Variants in TMEM132D observed in about 807,000 individuals in gnomAD.
TMEM132D encodes the protein mature OL transmembrane protein.
A neutral mutation model predicts 62.3 loss-of-function variants in TMEM132D; 21 were observed. The observed-to-expected ratio is 0.34, with a 90% confidence interval of 0.24 to 0.49. The LOEUF is 0.49. Among genes scored for constraint, TMEM132D ranks in the 20% least tolerant of loss-of-function variants. The pLI, the probability that TMEM132D is intolerant of heterozygous loss-of-function variation, is 0.99. For synonymous variants in TMEM132D, 621 were observed against 575.6 expected (o/e 1.08, Z -1.13); for missense variants, 1,346 against 1,402.8 (o/e 0.96, Z 0.65).
In TMEM132D at chr12:129,560,392, G is replaced by A. The variant is rs150815169; in HGVS notation, c.969-29187C>T. On this transcript the variant is annotated intron_variant, in intron 2 of 8. Transcript: ENST00000422113. ...TCAAGCGCTCCTGCCTCAGCCTCCC[G>A]AGTAGCTGGGATCACAGGTGTGCAC... is the stretch of plus-strand genomic sequence containing the variant. Among the ~76,000 whole-genome samples the A allele has an allele frequency of 1.4e-3, 208 of 151,118 alleles. 1 individual carries two copies. Among genetic ancestry groups the A allele is most frequent in the African/African-American group, 4.8e-3 (196 of 41,120 alleles).
intron 1 of TMEM132D, among the ~76,000 whole-genome samples, chr12:129,832,149 AGAGCTGGGATTACAG>A (rs1464461552): frequency 6.8e-6 from 1 of 147,962 alleles, no homozygotes; most frequent in Non-Finnish European, 1.5e-5. Context: ...AGCCTCCCAA[AGAGCTGGGATTACAG>A]GTGTCAGCCA....
At chr12:129,423,358 C>T (rs946490725) in intron 3 of TMEM132D, among the ~76,000 whole-genome samples, 9 of 152,076 alleles carry the variant, frequency 5.9e-5, no homozygotes, top group African/African-American at 1.7e-4. Context: ...TGCCTATAGC[C>T]GCTGATAACT....
chr12:129,368,245 A>ATGTGTG (rs34221350), intron 3 of TMEM132D, among the ~76,000 whole-genome samples: 25,221 of 151,220 alleles, frequency 0.17, 2,467 homozygotes, highest in Non-Finnish European at 0.23. Flanking sequence ...CATATGCAAA[A>ATGTGTG]TGTGTGTGTG....
rs1451907 is a variant in TMEM132D, at chr12:129,731,409, G to A, written c.80-30711C>T. ...GTAGATAAGAGGGTATGGGGGACAG[G>A]GGGAAGAGGATGCTATTTTCTCCAA... On this transcript the variant is annotated intron_variant, in intron 1 of 8. Transcript: ENST00000422113. Among the ~76,000 whole-genome samples the A allele has an allele frequency of 5.8e-3, 844 of 144,974 alleles. 2 individuals are homozygous for A. Among genetic ancestry groups the A allele is most frequent in the African/African-American group, 0.02 (810 of 40,412 alleles).
intron 5 of TMEM132D, among the ~76,000 whole-genome samples, chr12:129,168,825 C>A (rs1422990442): frequency 1.3e-5 from 2 of 152,110 alleles, no homozygotes; most frequent in Non-Finnish European, 2.9e-5. Flanking sequence ...GGGGAATCAC[C>A]CTTGGTTGAG....
chr12:129,651,437 T>C (rs1265854557), intron 2 of TMEM132D, among the ~76,000 whole-genome samples: 6 of 152,114 alleles, frequency 3.9e-5, no homozygotes, highest in South Asian at 2.1e-4. Context: ...TACTCTCCAA[T>C]GCGGGAATGG....
intron 3 of TMEM132D, among the ~76,000 whole-genome samples, chr12:129,400,540 T>G (rs1012222803): frequency 6.6e-6 from 1 of 152,148 alleles, no homozygotes; most frequent in Non-Finnish European, 1.5e-5. Flanking sequence ...TATTCTCTCC[T>G]CTGGACATCC....
intron 2 of TMEM132D, among the ~76,000 whole-genome samples, chr12:129,563,438 T>C (rs761178785): frequency 1.3e-5 from 2 of 152,226 alleles, no homozygotes; most frequent in Non-Finnish European, 2.9e-5. Flanking sequence ...GCCCTCTTTC[T>C]TTGATCTCCT....
intron 3 of TMEM132D, among the ~76,000 whole-genome samples, chr12:129,464,520 G>C (rs1873815032): frequency 1.3e-5 from 2 of 152,044 alleles, no homozygotes. Flanking sequence ...CATTGCTTTT[G>C]GTGTTTTAGA....
chr12:129,753,165 T>A (rs1870054919), intron 1 of TMEM132D, among the ~76,000 whole-genome samples: 1 of 152,186 alleles, frequency 6.6e-6, no homozygotes. Context: ...TAAACCCGGG[T>A]TTACTAGAAC....
chr12:129,839,369 G>A (rs1047723152), intron 1 of TMEM132D, among the ~76,000 whole-genome samples: 5 of 151,118 alleles, frequency 3.3e-5, no homozygotes, highest in Admixed American at 6.6e-5. Context: ...CTTGTGATCC[G>A]CCTGCCTCGG....
At chr12:129,509,208 C>T (rs1197436101) in intron 3 of TMEM132D, among the ~76,000 whole-genome samples, 1 of 152,128 alleles carries the variant, frequency 6.6e-6, no homozygotes, top group African/African-American at 2.4e-5. Flanking sequence ...TCCAAAGTGC[C>T]ATTCTGAAGT....
intron 5 of TMEM132D, among the ~76,000 whole-genome samples, chr12:129,115,043 C>T (rs12371083): frequency 0.29 from 44,174 of 152,056 alleles, 7,548 homozygotes; most frequent in Non-Finnish European, 0.38. Flanking sequence ...TATACCTAGG[C>T]GTGGAAAGGG....
At chr12:129,597,707 C>T (rs990049102) in intron 2 of TMEM132D, among the ~76,000 whole-genome samples, 8 of 152,184 alleles carry the variant, frequency 5.3e-5, no homozygotes, top group East Asian at 1.9e-4. Context: ...CTCTCACCTG[C>T]GTTTCAACCA....
intron 4 of TMEM132D, among the ~76,000 whole-genome samples, chr12:129,254,679 G>A (rs1395526677): frequency 6.6e-6 from 1 of 152,102 alleles, no homozygotes; most frequent in Non-Finnish European, 1.5e-5. Context: ...ATCTGTCGTG[G>A]AGACGGGTCT....
chr12:129,345,129 A>G (rs1344695668), intron 3 of TMEM132D, among the ~76,000 whole-genome samples: 4 of 152,104 alleles, frequency 2.6e-5, no homozygotes, highest in Non-Finnish European at 5.9e-5. Context: ...TCTCATCTAA[A>G]TCCTCTTCAT....
At chr12:129,807,218 C>T (rs548696175) in intron 1 of TMEM132D, among the ~76,000 whole-genome samples, 16 of 152,282 alleles carry the variant, frequency 1.1e-4, no homozygotes, top group African/African-American at 3.6e-4. Context: ...GAGCAGCTAC[C>T]CCTGTAGCCA....
At chr12:129,308,891 T>A (rs1235455346) in intron 4 of TMEM132D, among the ~76,000 whole-genome samples, 1 of 152,216 alleles carries the variant, frequency 6.6e-6, no homozygotes, top group East Asian at 1.9e-4. Context: ...ATTGATCAAC[T>A]TACCATTTTG....
intron 4 of TMEM132D, among the ~76,000 whole-genome samples, chr12:129,244,307 G>GGATT (rs1880020936): frequency 6.7e-6 from 1 of 148,170 alleles, no homozygotes; most frequent in East Asian, 2.0e-4. Flanking sequence ...AATGGCGTGA[G>GGATT]CCCGGGAGGC....
Sources: gnomAD v4.1 joint callset for allele counts (sites outside exome capture counted in the v4.1 genomes callset) on GRCh38, gnomAD v4.1.1 for gene constraint, MANE v1.5 for transcripts, NCBI Gene and HGNC (gene_info 2026-07-23, HGNC 2026-07-21) for gene names.